SH3RF3: variants seen among roughly 807,000 people sequenced by gnomAD.
SH3RF3 encodes SH3 domain containing ring finger 3, also known as E3 ubiquitin-protein ligase SH3RF3.
Under a neutral mutation model 66.3 loss-of-function variants are expected in SH3RF3, and 29 were observed. That is an observed-to-expected ratio of 0.44 (90% CI 0.33 to 0.60). The LOEUF is 0.60. SH3RF3 is among the 20% of genes least tolerant of loss of function. The probability of loss-of-function intolerance (pLI) is 0.04; values close to 1 mark genes in which losing one functional copy is unlikely to be tolerated. For synonymous variants in SH3RF3, 583 were observed against 532.0 expected (o/e 1.10, Z -1.32); for missense variants, 1,194 against 1,190.9 (o/e 1.00, Z -0.04).
intron 4 of SH3RF3, among the ~76,000 whole-genome samples, chr2:109,403,702 T>G (rs1676375957): frequency 6.6e-6 from 1 of 152,160 alleles, no homozygotes; most frequent in Non-Finnish European, 1.5e-5. Context: ...GCTCCCTCTC[T>G]CTAGCTGTGT....
chr2:109,319,756 C>G (rs1009633267), intron 1 of SH3RF3, among the ~76,000 whole-genome samples: 2 of 152,242 alleles, frequency 1.3e-5, no homozygotes, highest in African/African-American at 4.8e-5. Flanking sequence ...CCTGTCCAGG[C>G]CGTGTGTGGC....
chr2:109,435,181 T>A (rs1172436277), intron 6 of SH3RF3, among the ~76,000 whole-genome samples: 5 of 152,252 alleles, frequency 3.3e-5, no homozygotes, highest in African/African-American at 1.2e-4. Flanking sequence ...TGCGCCCGGG[T>A]CGGCTGCCCC....
At chr2:109,500,345 C>A (rs1294888833) in intron 9 of SH3RF3, among the ~76,000 whole-genome samples, 1 of 152,158 alleles carries the variant, frequency 6.6e-6, no homozygotes, top group African/African-American at 2.4e-5. Flanking sequence ...TGCCACAGCC[C>A]AGAGAGCCCC....
rs373685975 is a variant in SH3RF3, at chr2:109,250,271, C to T, written c.574-97403C>T. Among the ~76,000 whole-genome samples, 22 of 152,206 alleles carry T rather than the reference C, an allele frequency of 1.4e-4. No individual in the cohort carries two copies. In the South Asian group the frequency reaches 4.4e-3, roughly 30 times the overall value. On this transcript the variant is annotated intron_variant, in intron 1 of 9. Coordinates refer to ENST00000309415, the MANE Select transcript of SH3RF3 (RefSeq NM_001099289.3). ...ACGAGAATGTTTAGAACTTTGGAAG[C>T]CCTGGGGAAGACATCTCGCCCATTG...
chr2:109,406,801 A>G (rs1388932141), intron 4 of SH3RF3, among the ~76,000 whole-genome samples: 1 of 152,158 alleles, frequency 6.6e-6, no homozygotes, highest in East Asian at 1.9e-4. Flanking sequence ...TGAAGCAACC[A>G]GTGCAGAGGC....
chr2:109,404,855 C>T (rs1222376443), intron 4 of SH3RF3, among the ~76,000 whole-genome samples: 1 of 152,192 alleles, frequency 6.6e-6, no homozygotes, highest in African/African-American at 2.4e-5. Context: ...CCTTCCTCAT[C>T]CGCCATCTTG....
intron 6 of SH3RF3, among the ~76,000 whole-genome samples, chr2:109,435,722 T>C (rs1677380306): frequency 6.6e-6 from 1 of 152,264 alleles, no homozygotes; most frequent in Admixed American, 6.5e-5. Flanking sequence ...CTTGTCAATA[T>C]CACCTTGCAA....
chr2:109,449,159 C>G lies in SH3RF3; in HGVS notation c.1829-11C>G. The G allele has an allele frequency of 6.2e-7, 1 of 1,611,946 alleles. No individual in the cohort carries two copies. Among genetic ancestry groups the G allele is most frequent in the Non-Finnish European group, 8.5e-7 (1 of 1,179,162 alleles). ...CCTTTCAACCTGCTGTCTCTCCAAC[C>G]CCGTCTCCAGCTGCCCACTCTGCAG... On this transcript the variant is annotated splice_polypyrimidine_tract_variant and intron_variant, in intron 7 of 9. Coordinates refer to ENST00000309415, the MANE Select transcript of SH3RF3 (RefSeq NM_001099289.3).
chr2:109,392,684 A>G (rs1393421283), intron 3 of SH3RF3, among the ~76,000 whole-genome samples: 1 of 151,328 alleles, frequency 6.6e-6, no homozygotes, highest in African/African-American at 2.4e-5. Flanking sequence ...ACGCCCGGCT[A>G]ATTTTTTTTT....
chr2:109,342,273 T>C (rs1027387524), intron 1 of SH3RF3, among the ~76,000 whole-genome samples: 1 of 152,238 alleles, frequency 6.6e-6, no homozygotes, highest in African/African-American at 2.4e-5. Flanking sequence ...GTGAATCTCA[T>C]ATTTTGGGAA....
At chr2:109,243,248 C>T (rs1679831203) in intron 1 of SH3RF3, among the ~76,000 whole-genome samples, 1 of 152,244 alleles carries the variant, frequency 6.6e-6, no homozygotes, top group African/African-American at 2.4e-5. Flanking sequence ...GACCCATCAG[C>T]AACTGCCAGT....
chr2:109,393,604 A>T, intron 3 of SH3RF3, among the ~76,000 whole-genome samples: 1 of 152,004 alleles, frequency 6.6e-6, no homozygotes, highest in East Asian at 1.9e-4. Flanking sequence ...TTAAACTGTG[A>T]GCACTTGCCC....
intron 8 of SH3RF3, among the ~76,000 whole-genome samples, chr2:109,483,617 T>C (rs181759391): frequency 8.5e-4 from 130 of 152,342 alleles, no homozygotes; most frequent in African/African-American, 2.9e-3. Context: ...ATTCAACAGA[T>C]TGCTAGAGGG....
chr2:109,201,916 C>G (rs184773115), intron 1 of SH3RF3, among the ~76,000 whole-genome samples: 1 of 152,324 alleles, frequency 6.6e-6, no homozygotes, highest in East Asian at 1.9e-4. Flanking sequence ...GAAATCAATA[C>G]AAGGACCCGT....
intron 6 of SH3RF3, among the ~76,000 whole-genome samples, chr2:109,434,538 A>C (rs1190548852): frequency 6.6e-6 from 1 of 152,154 alleles, no homozygotes. Flanking sequence ...GGCGCCTCCC[A>C]CCCCCACAAC....
chr2:109,229,176 A>G (rs1214795485), intron 1 of SH3RF3, among the ~76,000 whole-genome samples: 1 of 152,226 alleles, frequency 6.6e-6, no homozygotes, highest in Non-Finnish European at 1.5e-5. Context: ...GCCAGGAACC[A>G]GGGACAAAGA....
rs148977956 is a variant in SH3RF3, at chr2:109,461,952, A to G, written c.2148+12463A>G. 1.4e-3 allele frequency among the ~76,000 whole-genome samples: 216 copies of G among 152,244 alleles called. 1 individual carries two copies. Among genetic ancestry groups the G allele is most frequent in the Middle Eastern group, 6.8e-3 (2 of 294 alleles). Reference sequence around the variant, plus strand: ...CCCACTCACCTTTTTAACTCTGGCTATAGGAGGGGCTAGACGTAACCACTT... The same window carrying G: ...CCCACTCACCTTTTTAACTCTGGCTGTAGGAGGGGCTAGACGTAACCACTT... On this transcript the variant is annotated intron_variant, in intron 8 of 9. Transcript: ENST00000309415.
At chr2:109,131,903 G>T (rs554054004) in intron 1 of SH3RF3, among the ~76,000 whole-genome samples, 2 of 152,152 alleles carry the variant, frequency 1.3e-5, no homozygotes, top group African/African-American at 4.8e-5. Context: ...GTCCCGCATG[G>T]TGTATTCACA....
chr2:109,155,536 C>T (rs1346113065), intron 1 of SH3RF3, among the ~76,000 whole-genome samples: 4 of 152,098 alleles, frequency 2.6e-5, no homozygotes, highest in African/African-American at 4.8e-5. Context: ...CTCCTGACCT[C>T]GTGATCCGCC....
Sources: allele counts gnomAD v4.1 joint callset (sites outside exome capture counted in the v4.1 genomes callset), GRCh38; gene constraint gnomAD v4.1.1; transcripts MANE v1.5; gene names NCBI Gene and HGNC (gene_info 2026-07-23, HGNC 2026-07-21).